Variants in VDAC1 observed in about 807,000 individuals in gnomAD.
VDAC1 encodes voltage dependent anion channel 1.
A neutral mutation model predicts 34.7 loss-of-function variants in VDAC1; 10 were observed. That is an observed-to-expected ratio of 0.29 (90% CI 0.18 to 0.49). The LOEUF (loss-of-function observed/expected upper bound fraction) is 0.49, where lower values mean the gene tolerates loss of function less well. Among genes scored for constraint, VDAC1 ranks in the 20% least tolerant of loss-of-function variants. The pLI, the probability that VDAC1 is intolerant of heterozygous loss-of-function variation, is 0.99. For synonymous variants in VDAC1, 130 were observed against 136.0 expected, an observed-to-expected ratio of 0.96 and a Z score of 0.30; for missense variants, 230 against 347.9, an observed-to-expected ratio of 0.66 and a Z score of 2.69.
the VDAC1 span, among the ~76,000 whole-genome samples, chr5:134,054,755 C>A: frequency 6.6e-6 from 1 of 152,298 alleles, no homozygotes; most frequent in South Asian, 2.1e-4. Flanking sequence ...GCCACCTCGC[C>A]CAACTGGACC....
chr5:134,039,556 G>T, the VDAC1 span, among the ~76,000 whole-genome samples: 1 of 151,984 alleles, frequency 6.6e-6, no homozygotes, highest in African/African-American at 2.4e-5. Flanking sequence ...GTCTCGATCT[G>T]CTGACCTCGT....
At chr5:133,981,560 T>G (rs1054495634) in intron 5 of VDAC1, among the ~76,000 whole-genome samples, 1 of 152,146 alleles carries the variant, frequency 6.6e-6, no homozygotes, top group Non-Finnish European at 1.5e-5. Context: ...TCTGCAGTCA[T>G]GGGGGCCAGG....
chr5:134,057,515 A>G, the VDAC1 span, among the ~76,000 whole-genome samples: 282 of 148,448 alleles, frequency 1.9e-3, 2 homozygotes, highest in Non-Finnish European at 3.3e-3. Flanking sequence ...CTATATCTAT[A>G]TCTATATCTA....
chr5:134,019,223 T>C, the VDAC1 span, among the ~76,000 whole-genome samples: 1 of 150,830 alleles, frequency 6.6e-6, no homozygotes, highest in East Asian at 1.9e-4. Context: ...GGGAAGGCCG[T>C]GAAGGGAAGG....
the VDAC1 span, among the ~76,000 whole-genome samples, chr5:134,073,860 A>C: frequency 2.0e-5 from 3 of 152,192 alleles, no homozygotes; most frequent in Non-Finnish European, 2.9e-5. Flanking sequence ...TTGTATCTAC[A>C]TACTTAACAA....
chr5:134,110,585 G>A, the VDAC1 span, among the ~76,000 whole-genome samples: 9 of 152,262 alleles, frequency 5.9e-5, no homozygotes, highest in African/African-American at 1.2e-4. Flanking sequence ...ACCTGTAACC[G>A]GGTTTTGCCC....
chr5:134,009,995 A>C, the VDAC1 span, among the ~76,000 whole-genome samples: 109 of 152,284 alleles, frequency 7.2e-4, no homozygotes, highest in African/African-American at 2.6e-3. Flanking sequence ...AATATGCTTT[A>C]ATGAGGACAT....
the VDAC1 span, among the ~76,000 whole-genome samples, chr5:134,029,129 T>C: frequency 1.3e-5 from 2 of 152,202 alleles, no homozygotes; most frequent in South Asian, 2.1e-4. Flanking sequence ...CAAACAGAAG[T>C]GGGTGCCCAT....
upstream of VDAC1, among the ~76,000 whole-genome samples, chr5:134,006,747 CCA>C (rs1491104465): frequency 0.021 from 2,360 of 112,582 alleles, 127 homozygotes; most frequent in African/African-American, 0.07. Context: ...TCCCCCCCCC[CCA>C]AAAAAAAAAA....
At chr5:134,010,369 G>C in the VDAC1 span, among the ~76,000 whole-genome samples, 2 of 151,946 alleles carry the variant, frequency 1.3e-5, no homozygotes, top group African/African-American at 2.4e-5. Context: ...AGGCTGAGGC[G>C]GGCAGATCAC....
intron 1 of VDAC1, among the ~76,000 whole-genome samples, chr5:134,000,523 A>G (rs10041082): frequency 0.051 from 7,713 of 152,222 alleles, 218 homozygotes; most frequent in East Asian, 0.13. Flanking sequence ...AGGCACCTCA[A>G]GTTCCCTGGA....
chr5:134,098,604 G>A, the VDAC1 span, among the ~76,000 whole-genome samples: 2 of 152,214 alleles, frequency 1.3e-5, no homozygotes, highest in South Asian at 4.1e-4. Flanking sequence ...AGGTGGTGGT[G>A]TCCTGGTGGC....
chr5:133,999,091 G>A (rs1394706595), intron 1 of VDAC1, among the ~76,000 whole-genome samples: 4 of 152,194 alleles, frequency 2.6e-5, no homozygotes, highest in Admixed American at 6.5e-5. Flanking sequence ...CAGGAGGATC[G>A]CCTGAATGCA....
chr5:134,067,661 GA>G, the VDAC1 span, among the ~76,000 whole-genome samples: 1 of 145,650 alleles, frequency 6.9e-6, no homozygotes, highest in Admixed American at 6.9e-5. Flanking sequence ...CGGTGAGGGG[GA>G]GGGGGAGGGC....
At chr5:134,085,110 C>G in the VDAC1 span, among the ~76,000 whole-genome samples, 1 of 150,488 alleles carries the variant, frequency 6.6e-6, no homozygotes, top group South Asian at 2.1e-4. Context: ...ACTCTGCTGC[C>G]CAGGCTGGAG....
the VDAC1 span, among the ~76,000 whole-genome samples, chr5:134,011,918 G>C: frequency 1.3e-5 from 2 of 152,060 alleles, no homozygotes; most frequent in Non-Finnish European, 2.9e-5. Context: ...GGGATTACAG[G>C]CATGAGCCAC....
At chr5:134,021,144 GCACCACTGCACTCCA>G in the VDAC1 span, among the ~76,000 whole-genome samples, 1 of 151,838 alleles carries the variant, frequency 6.6e-6, no homozygotes, top group African/African-American at 2.4e-5. Context: ...AGCTGTGATT[GCACCACTGCACTCCA>G]GCCTGCGTGA....
the VDAC1 span, among the ~76,000 whole-genome samples, chr5:134,094,952 C>A: frequency 6.6e-6 from 1 of 152,180 alleles, no homozygotes; most frequent in Non-Finnish European, 1.5e-5. Flanking sequence ...GAGTTTCCCA[C>A]GTACATGCTG....
At chr5:134,008,230 C>G (rs1016813089), upstream of VDAC1, among the ~76,000 whole-genome samples, 6 of 152,228 alleles carry the variant, frequency 3.9e-5, no homozygotes, top group Non-Finnish European at 7.4e-5. Context: ...TAAAGACTCC[C>G]TGAAAATGAA....
Sources: allele counts gnomAD v4.1 joint callset (sites outside exome capture counted in the v4.1 genomes callset), GRCh38; gene constraint gnomAD v4.1.1; transcripts MANE v1.5; gene names NCBI Gene and HGNC (gene_info 2026-07-23, HGNC 2026-07-21).